MYO15A: variants seen among roughly 807,000 people sequenced by gnomAD.
The protein encoded by MYO15A is unconventional myosin-XV.
MYO15A carries 308 observed loss-of-function variants against 394.6 expected under a neutral mutation model. That is an observed-to-expected ratio of 0.78 (90% CI 0.71 to 0.86). The LOEUF is 0.86. Ranked by LOEUF, MYO15A falls within the 40% of genes least tolerant of loss-of-function variation. The pLI is 0.00. For synonymous variants in MYO15A, 1,957 were observed against 2,003.8 expected (o/e 0.98, Z 0.62); for missense variants, 4,606 against 4,799.1 (o/e 0.96, Z 1.19).
In MYO15A at chr17:18,150,952, GA is replaced by G; in HGVS notation, c.7473+40del. 1 of 1,610,020 alleles carries G rather than the reference GA, an allele frequency of 6.2e-7. No individual in the cohort carries two copies. Among genetic ancestry groups the G allele is most frequent in the East Asian group, 2.2e-5 (1 of 44,816 alleles). On this transcript the variant is annotated intron_variant, in intron 38 of 65. Coordinates refer to ENST00000647165, the MANE Select transcript of MYO15A (RefSeq NM_016239.4). The surrounding 1 kb of genome is among the most constrained non-coding windows in gnomAD (Gnocchi z 4.4). ...GCCCAGGGTGCAGGGGTTGCTTGGA[GA>G]CACAAGCTGTAAAGAGGAATGCTGT...
Position 18,119,749 on chromosome 17 carries a change from G to T in MYO15A, c.949G>T (p.Ala317Ser), listed in dbSNP as rs763869672. ...CTACGACGATTACGAACCCCCATATGCGCCCCCGTCGGGGTACTCGTCTCC... is the reference window on the plus strand; with the variant it reads ...CTACGACGATTACGAACCCCCATATTCGCCCCCGTCGGGGTACTCGTCTCC... ...YGYDDYEPPY[A>S]PPSGYSSPYS... The change falls in exon 2 of 66, where the codon GCG becomes TCG. Residue 317 changes from alanine to serine, a missense_variant. Coordinates refer to ENST00000647165, the MANE Select transcript of MYO15A (RefSeq NM_016239.4). 7 of 1,612,754 alleles carry T rather than the reference G, an allele frequency of 4.3e-6. No individual in the cohort carries two copies. The highest frequency in any genetic ancestry group is 5.9e-6 in the Non-Finnish European group (7 of 1,179,976).
intron 12 of MYO15A, among the ~76,000 whole-genome samples, chr17:18,135,367 G>A (rs1309884520): frequency 4.6e-5 from 7 of 151,284 alleles, no homozygotes; most frequent in Non-Finnish European, 8.8e-5. Context: ...TTGAGATGGA[G>A]TTTCGCTCTT....
chr17:18,157,633 T>C, intron 50 of MYO15A, 89 bp from the exon 51 acceptor site: 2 of 1,584,646 alleles, frequency 1.3e-6, no homozygotes, highest in East Asian at 4.5e-5. Flanking sequence ...CAGAGAAGGG[T>C]TAAGAATGTT....
At chr17:18,115,411 G>A (rs1224963483) in intron 1 of MYO15A, among the ~76,000 whole-genome samples, 1 of 152,180 alleles carries the variant, frequency 6.6e-6, no homozygotes, top group Non-Finnish European at 1.5e-5. Context: ...CTGAGGTCAG[G>A]AGTTCGAAAC....
Position 18,148,589 on chromosome 17 carries a change from C to T in MYO15A, c.6764+21C>T. 2 of 1,551,204 alleles carry T rather than the reference C, an allele frequency of 1.3e-6. No individual in the cohort carries two copies. The highest frequency in any genetic ancestry group is 1.7e-6 in the Non-Finnish European group (2 of 1,146,822). ...CACAGGTTGGCTCCTAGGATGCCCT[C>T]CCAGCACACTCTTATGTACCTGGAA... On this transcript the variant is annotated intron_variant, in intron 32 of 65. Coordinates refer to ENST00000647165, the MANE Select transcript of MYO15A (RefSeq NM_016239.4). The surrounding 1 kb of genome is among the most constrained non-coding windows in gnomAD (Gnocchi z 4.8).
chr17:18,156,069 G>A, intron 47 of MYO15A, 126 bp from the exon 48 acceptor site: 3 of 1,443,938 alleles, frequency 2.1e-6, no homozygotes, highest in Non-Finnish European at 2.9e-6. Context: ...TTCTGTGGGA[G>A]CTGGCACAAT....
Position 18,126,442 on chromosome 17 carries a change from G to A in MYO15A, c.3852G>A (p.Leu1284=), listed in dbSNP as rs1381214789. ...TGCAGCAGTACAACGGACGGGCCCT[G>A]GGAGAGAATCCCCCGTGAGTGTCTC... ...EQVQQYNGRA[L]GENPPHLFAV... The change falls in exon 5 of 66, where the codon CTG becomes CTA. Residue 1284 remains leucine (L), a synonymous_variant. Coordinates refer to ENST00000647165, the MANE Select transcript of MYO15A (RefSeq NM_016239.4). 6.2e-7 allele frequency: 1 copy of A among 1,613,794 alleles called. No homozygotes were observed. The highest frequency in any genetic ancestry group is 2.2e-5 in the East Asian group (1 of 44,882).
At chr17:18,160,134 C>A in intron 56 of MYO15A, 117 bp downstream of exon 56, 1 of 917,276 alleles carries the variant, frequency 1.1e-6, no homozygotes, top group South Asian at 1.4e-5. Flanking sequence ...TCCTCTCACC[C>A]TCATCCTCAC....
chr17:18,115,059 C>T (rs1055989320), intron 1 of MYO15A, among the ~76,000 whole-genome samples: 1 of 152,176 alleles, frequency 6.6e-6, no homozygotes, highest in South Asian at 2.1e-4. Context: ...CCTTCCTCAT[C>T]CTGGCCAATG....
chr17:18,178,425 C>T, intron 65 of MYO15A: 1 of 454,580 alleles, frequency 2.2e-6, no homozygotes. Context: ...CTCACCACAG[C>T]CCTGTCTGTG....
In MYO15A at chr17:18,120,738, G is replaced by A. The variant is rs2045905591; in HGVS notation, c.1938G>A (p.Ala646=). The part of the protein sequence containing the change: ...RSSNDARRPP[A]PQPAPRTLSH... ...GCAACGACGCGCGCCGCCCGCCCGCGCCACAGCCCGCGCCCAGGACCCTCT... is the reference window on the plus strand; with the variant it reads ...GCAACGACGCGCGCCGCCCGCCCGCACCACAGCCCGCGCCCAGGACCCTCT... Residue 646 remains alanine (A), a synonymous_variant, in exon 2 of 66, where the codon GCG becomes GCA. Transcript: ENST00000647165. 3.4e-6 allele frequency: 5 copies of A among 1,466,128 alleles called. No individual in the cohort carries two copies. The highest frequency in any genetic ancestry group is 1.5e-5 in the African/African-American group (1 of 66,758). The allele number at this position is 1,466,128 out of a possible 1,614,324, so 90.8% of individuals were successfully genotyped here.
intron 23 of MYO15A, 72 bp downstream of exon 23, chr17:18,141,842 T>C (rs2046388593): frequency 1.3e-6 from 2 of 1,510,006 alleles, no homozygotes; most frequent in Non-Finnish European, 1.8e-6. Context: ...GAGTCAGAAA[T>C]GTCCAAGCTA....
Position 18,145,889 on chromosome 17 carries a change from C to T in MYO15A, c.6291C>T (p.Gly2097=), listed in dbSNP as rs745667542. The part of the protein sequence containing the change: ...SIFKLILRFM[G]DPHLHGAREN... The stretch of plus-strand genomic sequence containing the variant: ...TGGCCCAGATCCTGCGCTTCATGGG[C>T]GACCCCCACCTGCATGGTGCCCGGG... Residue 2097 remains glycine (G), a synonymous_variant, in exon 30 of 66, where the codon GGC becomes GGT. Coordinates refer to ENST00000647165, the MANE Select transcript of MYO15A (RefSeq NM_016239.4). 5.0e-6 allele frequency: 8 copies of T among 1,613,328 alleles called. No homozygotes were observed. Among genetic ancestry groups the T allele is most frequent in the South Asian group, 1.1e-5 (1 of 91,066 alleles).
chr17:18,174,216 G>A (rs890268771), intron 65 of MYO15A, among the ~76,000 whole-genome samples: 1 of 152,202 alleles, frequency 6.6e-6, no homozygotes, highest in Non-Finnish European at 1.5e-5. Context: ...CTGGATTGTA[G>A]GCCCCAGGAT....
At chr17:18,158,796 G>T (rs2046729050) in intron 52 of MYO15A, 129 bp from the exon 53 acceptor site, 19 of 1,386,644 alleles carry the variant, frequency 1.4e-5, no homozygotes, top group Non-Finnish European at 2.0e-5. Context: ...GCCTCTGGGG[G>T]TCTTCGTGAC....
intron 65 of MYO15A, among the ~76,000 whole-genome samples, chr17:18,174,848 T>C (rs1194118887): frequency 6.6e-6 from 1 of 152,142 alleles, no homozygotes; most frequent in East Asian, 1.9e-4. Context: ...GAGGGGGTGA[T>C]TTCCCAGGGC....
chr17:18,109,855 C>T (rs2045700743), intron 1 of MYO15A: 1 of 152,250 alleles, frequency 6.6e-6, no homozygotes, highest in African/African-American at 2.4e-5. Flanking sequence ...CGTGTGCGTT[C>T]ACTCATTCTC....
intron 60 of MYO15A, chr17:18,165,234 G>A (rs938177632): frequency 1.3e-5 from 2 of 151,818 alleles, no homozygotes; most frequent in Non-Finnish European, 2.9e-5. Flanking sequence ...GTTTTCTATT[G>A]TTGCTATAAC....
At chr17:18,134,423 C>G (rs2046227639) in intron 12 of MYO15A, among the ~76,000 whole-genome samples, 1 of 152,174 alleles carries the variant, frequency 6.6e-6, no homozygotes, top group African/African-American at 2.4e-5. Context: ...AAAATTGTAA[C>G]AGCCTTCTTC....
Sources: gnomAD v4.1 joint callset for allele counts (sites outside exome capture counted in the v4.1 genomes callset) on GRCh38, gnomAD v4.1.1 for gene constraint, Gnocchi (gnomAD v3.1) non-coding constraint, MANE v1.5 for transcripts, NCBI Gene and HGNC (gene_info 2026-07-23, HGNC 2026-07-21) for gene names.